Variants in RSF1 observed in about 807,000 individuals in gnomAD.
RSF1 encodes the protein remodeling and spacing factor 1, also known as HBV pX-associated protein 8.
In RSF1, 13 loss-of-function variants were observed where a neutral mutation model predicts 145.2. That is an observed-to-expected ratio of 0.09 (90% CI 0.06 to 0.14). RSF1 has a LOEUF of 0.14. Ranked by LOEUF, RSF1 falls within the 10% of genes least tolerant of loss-of-function variation. The pLI, the probability that RSF1 is intolerant of heterozygous loss-of-function variation, is 1.00. For missense variants in RSF1, 1,517 were observed against 1,718.2 expected (o/e 0.88, Z 2.07); for synonymous variants, 577 against 592.6 (o/e 0.97, Z 0.38).
chr11:77,813,284 T>C (rs76238285), intron 1 of RSF1: 5 of 701,462 alleles, frequency 7.1e-6, no homozygotes, highest in Non-Finnish European at 1.3e-5. Flanking sequence ...AATTTTTTTT[T>C]AACAACTGGT....
chr11:77,776,377 T>C (rs1948342562), intron 1 of RSF1, among the ~76,000 whole-genome samples: 1 of 152,212 alleles, frequency 6.6e-6, no homozygotes, highest in African/African-American at 2.4e-5. Context: ...ACTCCATTTC[T>C]TTGTGAAATT....
chr11:77,809,395 C>T (rs899818651), intron 1 of RSF1, among the ~76,000 whole-genome samples: 6 of 151,612 alleles, frequency 4.0e-5, no homozygotes, highest in East Asian at 1.9e-4. Flanking sequence ...TATTTTTCTA[C>T]GAAAGATAAG....
intron 1 of RSF1, among the ~76,000 whole-genome samples, chr11:77,806,080 A>G (rs1224897311): frequency 6.6e-6 from 1 of 152,030 alleles, no homozygotes; most frequent in African/African-American, 2.4e-5. Flanking sequence ...TATTATAACA[A>G]CCTCCAACTG....
intron 2 of RSF1, among the ~76,000 whole-genome samples, chr11:77,757,787 T>C (rs926723484): frequency 2.6e-5 from 4 of 152,118 alleles, no homozygotes; most frequent in African/African-American, 9.7e-5. Flanking sequence ...GTTGTAATAA[T>C]TCAAAGGAAA....
At chr11:77,729,015 G>C (rs937598420) in intron 4 of RSF1, among the ~76,000 whole-genome samples, 1 of 152,188 alleles carries the variant, frequency 6.6e-6, no homozygotes, top group Admixed American at 6.5e-5. Context: ...TAGATGTGGA[G>C]TGAGAGAAAA....
At chr11:77,852,924 T>G in the RSF1 span, among the ~76,000 whole-genome samples, 2 of 152,190 alleles carry the variant, frequency 1.3e-5, no homozygotes, top group South Asian at 2.1e-4. Flanking sequence ...GTAATATTGT[T>G]TATTCACTTT....
the RSF1 span, among the ~76,000 whole-genome samples, chr11:77,860,689 G>A: frequency 1.3e-5 from 2 of 152,224 alleles, no homozygotes; most frequent in African/African-American, 4.8e-5. Flanking sequence ...GGGTAAAACA[G>A]TCCAGGTGAA....
At chr11:77,739,968 A>G (rs1214713341) in intron 4 of RSF1, among the ~76,000 whole-genome samples, 1 of 152,282 alleles carries the variant, frequency 6.6e-6, no homozygotes, top group African/African-American at 2.4e-5. Flanking sequence ...AATGTTCCCA[A>G]GATTTCCTCA....
intron 1 of RSF1, among the ~76,000 whole-genome samples, chr11:77,798,986 G>C (rs1362556276): frequency 6.8e-6 from 1 of 147,036 alleles, no homozygotes; most frequent in African/African-American, 2.5e-5. Context: ...AGAAAAAAAA[G>C]AGCCCAAAAG....
chr11:77,702,018 C>T lies in RSF1; in HGVS notation c.1211G>A (p.Cys404Tyr), dbSNP rs769477298. ...DFDSPVKGPL[C>Y]KSVTPTKEFL... is the part of the protein sequence containing the mutation. ...CTCTTTTGTTGGAGTAACTGATTTA[C>T]ACAAAGGTCCCTTGACTGGACTGTC... Residue 404 changes from cysteine to tyrosine, a missense_variant, in exon 6 of 16, where the codon TGT becomes TAT. Coordinates refer to ENST00000308488, the MANE Select transcript of RSF1 (RefSeq NM_016578.4). 1.2e-6 allele frequency: 2 copies of T among 1,613,998 alleles called. No individual in the cohort carries two copies. The highest frequency in any genetic ancestry group is 1.7e-5 in the Admixed American group (1 of 60,002).
chr11:77,684,058 TA>T (rs1398012286), intron 10 of RSF1, among the ~76,000 whole-genome samples: 1 of 152,238 alleles, frequency 6.6e-6, no homozygotes, highest in Non-Finnish European at 1.5e-5. Context: ...TGTGAGATTA[TA>T]ACCAGTACTT....
At chr11:77,864,649 T>C in the RSF1 span, among the ~76,000 whole-genome samples, 2 of 152,136 alleles carry the variant, frequency 1.3e-5, no homozygotes, top group African/African-American at 2.4e-5. Context: ...TTGTCTCCTA[T>C]CTCATGTACA....
Position 77,671,197 on chromosome 11 carries a change from G to GTA in RSF1, c.3751+843_3751+844dup, listed in dbSNP as rs1194844591. On this transcript the variant is annotated intron_variant, in intron 15 of 15. Transcript: ENST00000308488. ...TATATATTTATATGTATATATGTGT[G>GTA]TATATATATATACACTATATATATA... Among the ~76,000 whole-genome samples, 59 of 87,966 alleles carry GTA rather than the reference G, an allele frequency of 6.7e-4. 1 individual carries two copies. Among genetic ancestry groups the GTA allele is most frequent in the Middle Eastern group, 7.8e-3 (1 of 128 alleles). 57.7% of individuals were successfully genotyped at this position (87,966 alleles called of 152,430 possible). A position where few individuals can be genotyped will look rare whatever the true frequency, so the allele number is the denominator to read the frequency against.
intron 9 of RSF1, chr11:77,690,817 A>T (rs1463442592): frequency 8.1e-6 from 2 of 245,604 alleles, no homozygotes; most frequent in Non-Finnish European, 1.6e-5. Flanking sequence ...TCTCTGTTCC[A>T]ACTACTCAAT....
At chr11:77,820,342 C>T (rs1473186354) in intron 1 of RSF1, among the ~76,000 whole-genome samples, 186 bp downstream of exon 1, 1 of 152,246 alleles carries the variant, frequency 6.6e-6, no homozygotes, top group Non-Finnish European at 1.5e-5. Context: ...GGGGCCTCCG[C>T]CCCGCCTCCC....
chr11:77,836,460 GC>G, the RSF1 span, among the ~76,000 whole-genome samples: 1 of 152,034 alleles, frequency 6.6e-6, no homozygotes, highest in African/African-American at 2.4e-5. Flanking sequence ...AGCCAAAAAG[GC>G]CTCGCCATAA....
intron 9 of RSF1, among the ~76,000 whole-genome samples, chr11:77,685,555 C>G (rs1959981270): frequency 6.6e-6 from 1 of 152,226 alleles, no homozygotes; most frequent in Non-Finnish European, 1.5e-5. Context: ...CTTGACCTCT[C>G]AAAGTGCTGG....
At chr11:77,674,597 G>T (rs550167981) in intron 14 of RSF1, among the ~76,000 whole-genome samples, 1 of 152,214 alleles carries the variant, frequency 6.6e-6, no homozygotes, top group Non-Finnish European at 1.5e-5. Context: ...TGAAGTTAAC[G>T]TATCAATCAG....
chr11:77,759,761 A>G (rs1948152593), intron 2 of RSF1, among the ~76,000 whole-genome samples: 3 of 151,878 alleles, frequency 2.0e-5, no homozygotes, highest in South Asian at 2.1e-4. Context: ...CCTGTGTTCA[A>G]TCCTTGCTTC....
Sources: gnomAD v4.1 joint callset for allele counts (sites outside exome capture counted in the v4.1 genomes callset) on GRCh38, gnomAD v4.1.1 for gene constraint, MANE v1.5 for transcripts, NCBI Gene and HGNC (gene_info 2026-07-23, HGNC 2026-07-21) for gene names.